Variants in ACVR1 observed in about 807,000 individuals in gnomAD.
ACVR1 encodes activin A receptor type 1.
Under a neutral mutation model 57.1 loss-of-function variants are expected in ACVR1, and 38 were observed. The ratio of observed to expected loss-of-function variants is 0.67; its 90% confidence interval spans 0.51 to 0.87. ACVR1 has a LOEUF of 0.87. Ranked by LOEUF, ACVR1 falls within the 40% of genes least tolerant of loss-of-function variation. The pLI, the probability that ACVR1 is intolerant of heterozygous loss-of-function variation, is 0.00. For synonymous variants in ACVR1, 212 were observed against 228.1 expected (o/e 0.93, Z 0.63); for missense variants, 463 against 638.2 (o/e 0.73, Z 2.96).
chr2:157,840,024 G>A (rs1292761729), intron 1 of ACVR1, among the ~76,000 whole-genome samples: 1 of 152,152 alleles, frequency 6.6e-6, no homozygotes, highest in Non-Finnish European at 1.5e-5. Flanking sequence ...AGGGTGTGAC[G>A]TGACCTGAGC....
At chr2:157,854,722 CAA>C (rs34911478) in intron 1 of ACVR1, among the ~76,000 whole-genome samples, 15 of 84,774 alleles carry the variant, frequency 1.8e-4, no homozygotes, top group Admixed American at 2.6e-4. Context: ...GACTCCGTCT[CAA>C]AAAAAAAAAA....
intron 1 of ACVR1, among the ~76,000 whole-genome samples, chr2:157,825,708 T>C (rs1392754987): frequency 2.1e-4 from 32 of 152,160 alleles, no homozygotes; most frequent in Admixed American, 6.5e-5. Context: ...GTAGAAAAAA[T>C]GTCTTCCATG....
At chr2:157,738,643 G>T (rs1204422290) in intron 9 of ACVR1, 73 bp from the exon 10 acceptor site, 28 of 1,604,822 alleles carry the variant, frequency 1.7e-5, no homozygotes, top group Non-Finnish European at 2.4e-5. Flanking sequence ...ATTGATGGGT[G>T]TCACAGGTTA....
At chr2:157,769,409 G>A (rs1685993537) in intron 7 of ACVR1, among the ~76,000 whole-genome samples, 1 of 152,208 alleles carries the variant, frequency 6.6e-6, no homozygotes, top group East Asian at 1.9e-4. Flanking sequence ...ATTAAGTGAT[G>A]ACTAGGACCC....
intron 9 of ACVR1, among the ~76,000 whole-genome samples, chr2:157,739,970 AG>A (rs1684689990): frequency 6.6e-6 from 1 of 152,090 alleles, no homozygotes; most frequent in South Asian, 2.1e-4. Context: ...GGACCACTTG[AG>A]GTCAGTGTTC....
intron 2 of ACVR1, among the ~76,000 whole-genome samples, chr2:157,817,588 G>T (rs1477898471): frequency 6.6e-6 from 1 of 152,100 alleles, no homozygotes; most frequent in Non-Finnish European, 1.5e-5. Flanking sequence ...GTACTACTCT[G>T]GTGTGGGATA....
In ACVR1 at chr2:157,776,926, TTTGA is replaced by T. The variant is rs575909074; in HGVS notation, c.543+1201_543+1204del. Among the ~76,000 whole-genome samples the T allele has an allele frequency of 6.6e-5, 10 of 152,380 alleles. No homozygotes were observed. The South Asian group carries it at 1.0e-3, about 16-fold the overall frequency. On this transcript the variant is annotated intron_variant, in intron 5 of 10. Transcript: ENST00000434821. ...CTGAATCACATTAGAAAGTTATTAC[TTTGA>T]TTGTCTTTCAATTAATCGGATTGTG...
chr2:157,778,115 T>C lies in ACVR1; in HGVS notation c.543+16A>G. The C allele has an allele frequency of 1.2e-6, 2 of 1,612,890 alleles. No homozygotes were observed. Among genetic ancestry groups the C allele is most frequent in the Non-Finnish European group, 1.7e-6 (2 of 1,179,398 alleles). On this transcript the variant is annotated intron_variant, in intron 5 of 10. Coordinates refer to ENST00000434821, the MANE Select transcript of ACVR1 (RefSeq NM_001111067.4). The stretch of plus-strand genomic sequence containing the variant: ...CCTTCCTTATGCTTGGGATTTCCTG[T>C]GGGGTCATGACTTACTGCTAAAGTG...
intron 1 of ACVR1, among the ~76,000 whole-genome samples, 165 bp from the exon 2 acceptor site, chr2:157,818,724 T>C (rs961260073): frequency 2.6e-5 from 4 of 152,140 alleles, no homozygotes; most frequent in Non-Finnish European, 1.5e-5. Flanking sequence ...AAAACACTGA[T>C]AGGAAGAGTG....
chr2:157,826,851 AAAG>A (rs891525259), intron 1 of ACVR1, among the ~76,000 whole-genome samples: 9 of 136,868 alleles, frequency 6.6e-5, no homozygotes, highest in Non-Finnish European at 1.4e-4. Flanking sequence ...GGGAAAAGGA[AAAG>A]AAGAAGGAAG....
intron 3 of ACVR1, among the ~76,000 whole-genome samples, chr2:157,794,668 G>A (rs141003734): frequency 3.6e-4 from 55 of 152,262 alleles, no homozygotes; most frequent in African/African-American, 1.3e-3. Context: ...TGTATCTTAT[G>A]AGGGCACTTG....
chr2:157,851,896 CACACACACACACA>C (rs1689320059), intron 1 of ACVR1, among the ~76,000 whole-genome samples: 2 of 20,636 alleles, frequency 9.7e-5, no homozygotes, highest in Non-Finnish European at 1.0e-4. Context: ...CACACACACA[CACACACACACACA>C]CCACCCCCAC....
intron 2 of ACVR1, among the ~76,000 whole-genome samples, chr2:157,810,085 T>C (rs992452631): frequency 3.9e-5 from 6 of 152,090 alleles, no homozygotes; most frequent in Admixed American, 6.5e-5. Context: ...CTAAAAAATA[T>C]GTAAAATTAA....
rs763667205 is a variant in ACVR1, at chr2:157,770,421, A to T, written c.737T>A (p.Phe246Tyr). ...IFSSRDEKSW[F>Y]RETELYNTVM... ...AGTGTTGTACAATTCCGTTTCCCTG[A>T]ACCATGACTTCTCATCACGGGAGGA... The change falls in exon 7 of 11, where the codon TTC becomes TAC. Residue 246 changes from phenylalanine (F) to tyrosine (Y), a missense_variant. Around this residue, in one of 3 missense-constraint regions of ACVR1, gnomAD observed 114 missense variants for 216.2 expected, o/e 0.53. Transcript: ENST00000434821. 2.8e-5 allele frequency: 46 copies of T among 1,614,132 alleles called. No homozygotes were observed. The South Asian group carries it at 5.1e-4, about 18-fold the overall frequency.
At chr2:157,855,871 T>TG (rs1461868223) in intron 1 of ACVR1, among the ~76,000 whole-genome samples, 2 of 152,232 alleles carry the variant, frequency 1.3e-5, no homozygotes, top group East Asian at 3.9e-4. Flanking sequence ...AAGAGGAACA[T>TG]GCTCCTCATG....
intron 1 of ACVR1, among the ~76,000 whole-genome samples, chr2:157,844,367 G>C (rs1221231432): frequency 6.6e-6 from 1 of 152,080 alleles, no homozygotes; most frequent in Non-Finnish European, 1.5e-5. Context: ...CACTGGGTTT[G>C]CTCTTCCCTC....
chr2:157,874,194 T>G (rs555958745), intron 1 of ACVR1, among the ~76,000 whole-genome samples: 1 of 152,228 alleles, frequency 6.6e-6, no homozygotes, highest in African/African-American at 2.4e-5. Context: ...TAAGGGGTAA[T>G]AGCAGAAATG....
At chr2:157,858,180 A>G (rs558137359) in intron 1 of ACVR1, among the ~76,000 whole-genome samples, 2 of 152,200 alleles carry the variant, frequency 1.3e-5, no homozygotes, top group South Asian at 4.1e-4. Context: ...CTCTTCTCTT[A>G]CTGGGTTCTC....
intron 9 of ACVR1, among the ~76,000 whole-genome samples, chr2:157,759,055 A>G (rs1247109361): frequency 6.6e-6 from 1 of 152,100 alleles, no homozygotes; most frequent in Non-Finnish European, 1.5e-5. Context: ...AAAGATTCCA[A>G]ATAAAGAATC....
Sources: allele counts gnomAD v4.1 joint callset (sites outside exome capture counted in the v4.1 genomes callset), GRCh38; gene constraint gnomAD v4.1.1; regional missense constraint gnomAD v4.1.1; transcripts MANE v1.5; gene names NCBI Gene and HGNC (gene_info 2026-07-23, HGNC 2026-07-21).